LHFPL3: variants seen among roughly 807,000 people sequenced by gnomAD.
LHFPL3 encodes the protein LHFPL tetraspan subfamily member 3 protein.
LHFPL3 carries 5 observed loss-of-function variants against 19.3 expected under a neutral mutation model. That is an observed-to-expected ratio of 0.26 (90% CI 0.14 to 0.54). The LOEUF is 0.54. Among genes scored for constraint, LHFPL3 ranks in the 20% least tolerant of loss-of-function variants. The pLI is 0.94. For missense variants in LHFPL3, 249 were observed against 307.4 expected (o/e 0.81, Z 1.42); for synonymous variants, 133 against 126.2 (o/e 1.05, Z -0.36).
chr7:104,867,691 C>A (rs1283719777), intron 2 of LHFPL3, among the ~76,000 whole-genome samples: 1 of 152,162 alleles, frequency 6.6e-6, no homozygotes, highest in Non-Finnish European at 1.5e-5. Context: ...CTATTCCAAT[C>A]AACAGAAAAA....
intron 1 of LHFPL3, among the ~76,000 whole-genome samples, chr7:104,611,841 G>A (rs908496411): frequency 2.0e-5 from 3 of 152,128 alleles, no homozygotes; most frequent in Non-Finnish European, 2.9e-5. Context: ...AAAGCAAGAA[G>A]ATAATACAGA....
chr7:104,511,102 A>C (rs141082266), intron 1 of LHFPL3, among the ~76,000 whole-genome samples: 61 of 152,322 alleles, frequency 4.0e-4, no homozygotes, highest in African/African-American at 1.4e-3. Flanking sequence ...AGAATATATA[A>C]AGAACTCTCA....
rs180893937 is a variant in LHFPL3 at position 104,769,834 on chromosome 7, G to A, written c.682+32923G>A. ...AAAGAAAATGTGGCACATATATGCCGTGGAATACTATGCAGCCATAAAAAA... is the reference window on the plus strand; with the variant it reads ...AAAGAAAATGTGGCACATATATGCCATGGAATACTATGCAGCCATAAAAAA... On this transcript the variant is annotated intron_variant, in intron 2 of 2. Coordinates refer to ENST00000424859, the MANE Select transcript of LHFPL3 (RefSeq NM_199000.3). Among the ~76,000 whole-genome samples the A allele has an allele frequency of 4.2e-4, 58 of 136,714 alleles. No homozygotes were observed. The East Asian group carries it at 7.5e-3, about 18-fold the overall frequency. 89.7% of individuals were successfully genotyped at this position (136,714 alleles called of 152,430 possible). A position where few individuals can be genotyped will look rare whatever the true frequency, so the allele number is the denominator to read the frequency against.
intron 1 of LHFPL3, among the ~76,000 whole-genome samples, chr7:104,592,277 G>C (rs563351471): frequency 6.6e-6 from 1 of 152,260 alleles, no homozygotes; most frequent in African/African-American, 2.4e-5. Context: ...GGTCTTTGAT[G>C]ATGGTGACGT....
chr7:104,637,975 C>G (rs564933489), intron 1 of LHFPL3, among the ~76,000 whole-genome samples: 5 of 151,934 alleles, frequency 3.3e-5, no homozygotes, highest in African/African-American at 1.2e-4. Context: ...GTACATTATT[C>G]TGGGCAGTAT....
intron 2 of LHFPL3, among the ~76,000 whole-genome samples, chr7:104,864,375 A>G (rs539634317): frequency 0.011 from 1,652 of 147,030 alleles, 37 homozygotes; most frequent in African/African-American, 0.04. Context: ...CAAAAAAAAA[A>G]GGGGTGACAG....
Position 104,399,532 on chromosome 7 carries a change from G to A in LHFPL3, c.445+70308G>A, listed in dbSNP as rs1019685110. On this transcript the variant is annotated intron_variant, in intron 1 of 2. Transcript: ENST00000424859. This position sits in a 1 kb window ranked among gnomAD's most constrained non-coding sequence, Gnocchi z 4.4. The stretch of plus-strand genomic sequence containing the variant: ...GCTGGAGTGCAGTGGCGCAGTCTTG[G>A]CTCAGTGCAACCTCTGGCTCCTGGG... Among the ~76,000 whole-genome samples, 1 of 151,678 alleles carries A rather than the reference G, an allele frequency of 6.6e-6. No individual in the cohort carries two copies. The highest frequency in any genetic ancestry group is 1.5e-5 in the Non-Finnish European group (1 of 67,916).
chr7:104,476,262 G>T (rs1452931676), intron 1 of LHFPL3, among the ~76,000 whole-genome samples: 1 of 152,130 alleles, frequency 6.6e-6, no homozygotes, highest in Non-Finnish European at 1.5e-5. Context: ...GCAAAATAAT[G>T]TGACAGAGCT....
At chr7:104,726,649 A>G (rs13221332) in intron 1 of LHFPL3, among the ~76,000 whole-genome samples, 46,453 of 151,996 alleles carry the variant, frequency 0.31, 8,041 homozygotes, top group East Asian at 0.77. Flanking sequence ...ATGTCCCTGC[A>G]AAAGACATGA....
At chr7:104,726,175 G>A (rs1332950612) in intron 1 of LHFPL3, among the ~76,000 whole-genome samples, 1 of 151,660 alleles carries the variant, frequency 6.6e-6, no homozygotes, top group African/African-American at 2.4e-5. Flanking sequence ...ATTTGAGACT[G>A]TGATATTGAC....
intron 1 of LHFPL3, among the ~76,000 whole-genome samples, chr7:104,519,227 T>C (rs1793994738): frequency 6.6e-6 from 1 of 152,114 alleles, no homozygotes; most frequent in Admixed American, 6.6e-5. Context: ...GAGTGGGATT[T>C]TCAGCTAGGA....
intron 1 of LHFPL3, among the ~76,000 whole-genome samples, chr7:104,430,391 TATATATATATATAC>T (rs1562895044): frequency 2.0e-4 from 10 of 51,032 alleles, no homozygotes; most frequent in South Asian, 5.8e-4. Flanking sequence ...TACATATATA[TATATATATATATAC>T]ATATATATAT....
chr7:104,677,516 A>C (rs1457715209), intron 1 of LHFPL3, among the ~76,000 whole-genome samples: 2 of 152,192 alleles, frequency 1.3e-5, no homozygotes, highest in Non-Finnish European at 2.9e-5. Context: ...GAATTATTTT[A>C]ATTCTATTGG....
chr7:104,834,021 G>A lies in LHFPL3; in HGVS notation c.683-72166G>A, dbSNP rs1791041904. On this transcript the variant is annotated intron_variant, in intron 2 of 2. Coordinates refer to ENST00000424859, the MANE Select transcript of LHFPL3 (RefSeq NM_199000.3). ...CTGAAGAATTTAGAGTCCGATGTTTGAGGGCAGGAAGCATCTAGCACAGGA... is the reference window on the plus strand; with the variant it reads ...CTGAAGAATTTAGAGTCCGATGTTTAAGGGCAGGAAGCATCTAGCACAGGA... 2.7e-5 allele frequency among the ~76,000 whole-genome samples: 4 copies of A among 150,016 alleles called. No individual in the cohort carries two copies. In the South Asian group the frequency reaches 8.5e-4, roughly 32 times the overall value.
In LHFPL3 at chr7:104,328,803, C is replaced by T. The variant is rs781619788; in HGVS notation, c.24C>T (p.Ala8=). ...GAATGCCCGGAGCCGCCGCCGCTGC[C>T]GCCGCCGCCGCCGCCGCGATGCTCC... is the stretch of plus-strand genomic sequence containing the variant. MPGAAAA[A]AAAAAAMLPA... Residue 8 remains alanine (A), a synonymous_variant, in exon 1 of 3, where the codon GCC becomes GCT. Transcript: ENST00000424859. This position sits in a 1 kb window ranked among gnomAD's most constrained non-coding sequence, Gnocchi z 4.6. The T allele has an allele frequency of 2.0e-6, 3 of 1,474,960 alleles. No homozygotes were observed. Among genetic ancestry groups the T allele is most frequent in the African/African-American group, 1.4e-5 (1 of 69,878 alleles). 91.4% of individuals were successfully genotyped at this position (1,474,960 alleles called of 1,614,324 possible).
At chr7:104,514,748 C>G (rs1337355376) in intron 1 of LHFPL3, among the ~76,000 whole-genome samples, 1 of 152,080 alleles carries the variant, frequency 6.6e-6, no homozygotes, top group Non-Finnish European at 1.5e-5. Context: ...CCAAGATGTC[C>G]CCATTTAACT....
At chr7:104,374,104 T>TA (rs1343991585) in intron 1 of LHFPL3, among the ~76,000 whole-genome samples, 4 of 151,918 alleles carry the variant, frequency 2.6e-5, no homozygotes, top group African/African-American at 4.8e-5. Flanking sequence ...TTGAGCAAGA[T>TA]AAAAAAATCA....
rs140648831 is a variant in LHFPL3 at position 104,902,615 on chromosome 7, C to T, written c.683-3572C>T. ...CAGCCTGGCCAACATGGTGAAACCCCATCTGTACTAAAAATAAAAAATTAG... is the reference window on the plus strand; with the variant it reads ...CAGCCTGGCCAACATGGTGAAACCCTATCTGTACTAAAAATAAAAAATTAG... On this transcript the variant is annotated intron_variant, in intron 2 of 2. Coordinates refer to ENST00000424859, the MANE Select transcript of LHFPL3 (RefSeq NM_199000.3). Among the ~76,000 whole-genome samples, 3 of 152,068 alleles carry T rather than the reference C, an allele frequency of 2.0e-5. No homozygotes were observed. The South Asian group carries it at 6.2e-4, about 32-fold the overall frequency.
At chr7:104,577,233 ATATTAAG>A (rs1368076163) in intron 1 of LHFPL3, among the ~76,000 whole-genome samples, 3 of 152,182 alleles carry the variant, frequency 2.0e-5, no homozygotes, top group African/African-American at 7.2e-5. Flanking sequence ...AGAGCTAGAC[ATATTAAG>A]TGGGTAATCA....
Sources: allele counts gnomAD v4.1 joint callset (sites outside exome capture counted in the v4.1 genomes callset), GRCh38; gene constraint gnomAD v4.1.1; non-coding constraint Gnocchi (gnomAD v3.1); transcripts MANE v1.5; gene names NCBI Gene and HGNC (gene_info 2026-07-23, HGNC 2026-07-21).